The following AGPS variants were observed in gnomAD, a reference collection of about 807,000 sequenced individuals.
AGPS encodes alkylglycerone phosphate synthase, also known as alkyldihydroxyacetonephosphate synthase, peroxisomal.
In AGPS, 26 loss-of-function variants were observed where a neutral mutation model predicts 90.7. The observed-to-expected ratio is 0.29, with a 90% CI of 0.21 to 0.40. The LOEUF (loss-of-function observed/expected upper bound fraction) is 0.40. AGPS is among the 10% of genes least tolerant of loss of function. The pLI is 1.00. For missense variants in AGPS, 540 were observed against 816.1 expected (o/e 0.66, Z 4.12); for synonymous variants, 294 against 285.3 (o/e 1.03, Z -0.31).
chr2:177,483,409 C>T (rs1688004207), intron 11 of AGPS, among the ~76,000 whole-genome samples: 1 of 152,180 alleles, frequency 6.6e-6, no homozygotes, highest in African/African-American at 2.4e-5. Flanking sequence ...CCACCTAATT[C>T]ACCAGCTGAT....
chr2:177,394,444 AGAGACAAATTAGGGAACTGCT>A (rs1397224443), intron 1 of AGPS, among the ~76,000 whole-genome samples: 1 of 152,222 alleles, frequency 6.6e-6, no homozygotes, highest in East Asian at 1.9e-4. Context: ...TAAAGAAGTG[AGAGACAAATTAGGGAACTGCT>A]GAGACTCAAG....
intron 18 of AGPS, among the ~76,000 whole-genome samples, chr2:177,522,354 C>T (rs1689220663): frequency 6.6e-6 from 1 of 152,106 alleles, no homozygotes; most frequent in Non-Finnish European, 1.5e-5. Context: ...TGCTACTGAT[C>T]TCAAGTAGCT....
At position 177,520,831 on chromosome 2, in the gene AGPS, C is replaced by CTA. The variant is rs200386824; in HGVS notation, c.1698-428_1698-427dup. Among the ~76,000 whole-genome samples, 612 of 151,824 alleles carry CTA rather than the reference C, an allele frequency of 4.0e-3. 6 individuals carry two copies. The highest frequency in any genetic ancestry group is 0.032 in the East Asian group (168 of 5,184). On this transcript the variant is annotated intron_variant, in intron 17 of 19. Transcript: ENST00000264167. ...ACAATGAATACTCATGCTTACCTGA[C>CTA]TATATATATATTGTTTTCACACATG...
chr2:177,429,532 CTGTT>C (rs952721607), intron 2 of AGPS, among the ~76,000 whole-genome samples: 8 of 151,740 alleles, frequency 5.3e-5, no homozygotes, highest in East Asian at 1.9e-4. Flanking sequence ...TTGTTGCTTT[CTGTT>C]TGTTTGTTTT....
intron 11 of AGPS, among the ~76,000 whole-genome samples, chr2:177,487,087 A>G (rs1688116922): frequency 6.6e-6 from 1 of 152,182 alleles, no homozygotes; most frequent in East Asian, 1.9e-4. Flanking sequence ...TATTCTCTAA[A>G]AGAGATAAAT....
chr2:177,528,663 A>G (rs143279489), intron 19 of AGPS, among the ~76,000 whole-genome samples: 2 of 152,160 alleles, frequency 1.3e-5, no homozygotes, highest in African/African-American at 4.8e-5. Flanking sequence ...GAGGTTAATG[A>G]CTTTATCTTG....
intron 11 of AGPS, among the ~76,000 whole-genome samples, chr2:177,484,751 T>A (rs1024216195): frequency 2.0e-5 from 3 of 151,918 alleles, no homozygotes; most frequent in Non-Finnish European, 2.9e-5. Context: ...TGAAAAAAAA[T>A]ATGAATGCCA....
intron 11 of AGPS, among the ~76,000 whole-genome samples, chr2:177,488,501 A>G (rs1261123870): frequency 6.6e-6 from 1 of 152,070 alleles, no homozygotes; most frequent in Non-Finnish European, 1.5e-5. Flanking sequence ...GAACTTTTAA[A>G]TTAATCAATT....
At chr2:177,534,759 T>A (rs1219903697) in intron 19 of AGPS, among the ~76,000 whole-genome samples, 1 of 151,598 alleles carries the variant, frequency 6.6e-6, no homozygotes, top group African/African-American at 2.4e-5. Context: ...GCTTATTTTT[T>A]ATTTTTTTAT....
Position 177,482,180 on chromosome 2 carries a change from A to G in AGPS, c.1227A>G (p.Ala409=), listed in dbSNP as rs1687964764. 1.3e-6 allele frequency: 2 copies of G among 1,562,360 alleles called. No individual in the cohort carries two copies. Among genetic ancestry groups the G allele is most frequent in the Non-Finnish European group, 1.7e-6 (2 of 1,145,112 alleles). Residue 409 remains alanine (A), a synonymous_variant, in exon 11 of 20, where the codon GCA becomes GCG. Transcript: ENST00000264167. ...EQGVACLREI[A]KQRCAPASIR... is the part of the protein sequence containing the mutation. Reference sequence around the variant, plus strand: ...GAGTAGCCTGTTTAAGAGAAATTGCAAAACAGGTAAAAGAAAAAATATATA... The same window carrying G: ...GAGTAGCCTGTTTAAGAGAAATTGCGAAACAGGTAAAAGAAAAAATATATA...
At chr2:177,487,291 A>G (rs879788889) in intron 11 of AGPS, among the ~76,000 whole-genome samples, 3 of 152,050 alleles carry the variant, frequency 2.0e-5, no homozygotes, top group Non-Finnish European at 2.9e-5. Flanking sequence ...TTTGGTATTG[A>G]TTAGTACTCA....
chr2:177,392,991 A>T lies in AGPS; in HGVS notation c.202A>T (p.Thr68Ser). 1 of 1,550,094 alleles carries T rather than the reference A, an allele frequency of 6.5e-7. No individual in the cohort carries two copies. The highest frequency in any genetic ancestry group is 8.7e-7 in the Non-Finnish European group (1 of 1,146,658). Residue 68 changes from threonine (T) to serine (S), a missense_variant, in exon 1 of 20, where the codon ACG (threonine) becomes TCG (serine). Physicochemically the swap from Thr to Ser is moderately conservative, Grantham distance 58 (BLOSUM62 1). Around this residue, in one of 2 missense-constraint regions of AGPS, gnomAD observed 135 missense variants for 124.0 expected, o/e 1.09. Coordinates refer to ENST00000264167, the MANE Select transcript of AGPS (RefSeq NM_003659.4). ...AGCGCGGAGAGCCGCGTCGGCGGCC[A>T]CGGCAGCGCCCACGGCCACTCCCGC... Reference protein sequence around the residue: ...CKARRAASAATAAPTATPAAQ... With the variant: ...CKARRAASAASAAPTATPAAQ...
intron 1 of AGPS, among the ~76,000 whole-genome samples, chr2:177,398,363 C>T (rs776522902): frequency 1.9e-4 from 29 of 152,146 alleles, no homozygotes; most frequent in African/African-American, 1.7e-4. Flanking sequence ...CATGCTAAAG[C>T]TTATGTACAT....
chr2:177,445,435 T>G lies in AGPS; in HGVS notation c.790-111T>G, dbSNP rs1686741307. ...CAGTGTGGGTGGTTGAGGGGAACCC[T>G]TCTTGCTTAATCACTGTCTTACCAC... On this transcript the variant is annotated intron_variant, in intron 7 of 19. Coordinates refer to ENST00000264167, the MANE Select transcript of AGPS (RefSeq NM_003659.4). 4 of 919,764 alleles carry G rather than the reference T, an allele frequency of 4.3e-6. No homozygotes were observed. The South Asian group carries it at 5.6e-5, about 13-fold the overall frequency. The allele number at this position is 919,764 out of a possible 1,614,324, so 57.0% of individuals were successfully genotyped here. A position where few individuals can be genotyped will look rare whatever the true frequency, so the allele number is the denominator to read the frequency against.
intron 1 of AGPS, among the ~76,000 whole-genome samples, chr2:177,407,934 A>G (rs1323483086): frequency 6.6e-6 from 1 of 151,702 alleles, no homozygotes; most frequent in Non-Finnish European, 1.5e-5. Context: ...GATTATAGGT[A>G]TGTGCCACCA....
intron 2 of AGPS, among the ~76,000 whole-genome samples, chr2:177,420,847 T>C (rs1203912149): frequency 6.6e-6 from 1 of 151,834 alleles, no homozygotes; most frequent in Non-Finnish European, 1.5e-5. Context: ...AGGTGAATGA[T>C]TTTAGGTCTG....
intron 5 of AGPS, among the ~76,000 whole-genome samples, chr2:177,437,371 T>TA (rs1686445152): frequency 1.3e-5 from 2 of 152,136 alleles, no homozygotes; most frequent in South Asian, 4.1e-4. Context: ...TACATTCAGA[T>TA]ATATAGAATT....
Position 177,482,148 on chromosome 2 carries a change from G to T in AGPS, c.1195G>T (p.Glu399Ter). ...TGGCTCAGTAGCTTTCCCTAATTTT[G>T]AACAAGGAGTAGCCTGTTTAAGAGA... ...KYGSVAFPNF[E>*]QGVACLREIA... The change falls in exon 11 of 20, where the codon GAA becomes TAA. Residue 399 changes from glutamate (E) to a stop codon, truncating the protein, a stop_gained. Transcript: ENST00000264167. LOFTEE classifies it high-confidence loss of function. 4 of 1,602,060 alleles carry T rather than the reference G, an allele frequency of 2.5e-6. No individual in the cohort carries two copies. In the South Asian group the frequency reaches 4.4e-5, roughly 18 times the overall value.
At chr2:177,476,008 T>C (rs979893195) in intron 10 of AGPS, among the ~76,000 whole-genome samples, 3 of 152,132 alleles carry the variant, frequency 2.0e-5, no homozygotes, top group Non-Finnish European at 2.9e-5. Flanking sequence ...TTTTGTAAGA[T>C]TACTAGTAAT....
Sources: allele counts gnomAD v4.1 joint callset (sites outside exome capture counted in the v4.1 genomes callset), GRCh38; gene constraint gnomAD v4.1.1; regional missense constraint gnomAD v4.1.1; transcripts MANE v1.5; gene names NCBI Gene and HGNC (gene_info 2026-07-23, HGNC 2026-07-21).